The following ATRNL1 variants were observed in gnomAD, a reference collection of about 807,000 sequenced individuals.
The protein encoded by ATRNL1 is attractin like 1, also known as attractin-like protein 1.
A neutral mutation model predicts 182.7 loss-of-function variants in ATRNL1; 95 were observed. That is an observed-to-expected ratio of 0.52 (90% confidence interval 0.44 to 0.62). The LOEUF (loss-of-function observed/expected upper bound fraction) is 0.62. Ranked by LOEUF, ATRNL1 falls within the 20% of genes least tolerant of loss-of-function variation. The pLI is 0.00. For synonymous variants in ATRNL1, 576 were observed against 568.3 expected (o/e 1.01, Z -0.19); for missense variants, 1,471 against 1,679.5 (o/e 0.88, Z 2.17).
intron 19 of ATRNL1, among the ~76,000 whole-genome samples, chr10:115,362,953 C>T: frequency 6.6e-6 from 1 of 152,066 alleles, no homozygotes; most frequent in Admixed American, 6.6e-5. Context: ...CAAGTCTTTG[C>T]TATTGTGAAT....
intron 25 of ATRNL1, among the ~76,000 whole-genome samples, chr10:115,542,881 T>C (rs1184153683): frequency 1.3e-5 from 2 of 152,190 alleles, no homozygotes; most frequent in Non-Finnish European, 2.9e-5. Context: ...CCTCCATGCA[T>C]GCAGGAAGAG....
intron 19 of ATRNL1, among the ~76,000 whole-genome samples, chr10:115,393,290 T>A (rs1844121570): frequency 6.6e-6 from 1 of 152,160 alleles, no homozygotes; most frequent in African/African-American, 2.4e-5. Context: ...TTCACTTAGG[T>A]ATACAGTATC....
intron 27 of ATRNL1, among the ~76,000 whole-genome samples, chr10:115,747,030 G>A (rs1555069345): frequency 6.6e-6 from 1 of 152,048 alleles, no homozygotes; most frequent in East Asian, 1.9e-4. Context: ...TTAAGATAAC[G>A]CTGTTAAAGT....
At chr10:115,860,901 C>T (rs188606503) in intron 28 of ATRNL1, among the ~76,000 whole-genome samples, 2 of 152,290 alleles carry the variant, frequency 1.3e-5, no homozygotes, top group Non-Finnish European at 2.9e-5. Flanking sequence ...GAAATCACCA[C>T]CCAGCCTTCA....
chr10:115,517,087 T>G (rs1850677421), intron 24 of ATRNL1, among the ~76,000 whole-genome samples: 1 of 152,024 alleles, frequency 6.6e-6, no homozygotes, highest in South Asian at 2.1e-4. Flanking sequence ...TTACATGATT[T>G]AAATGATTTA....
At chr10:115,640,750 T>C (rs1216787144) in intron 26 of ATRNL1, among the ~76,000 whole-genome samples, 1 of 152,220 alleles carries the variant, frequency 6.6e-6, no homozygotes, top group Non-Finnish European at 1.5e-5. Context: ...TAATTTCTTT[T>C]GCTGTGCAGA....
At chr10:115,108,241 T>G (rs1554866673) in intron 1 of ATRNL1, among the ~76,000 whole-genome samples, 2 of 152,176 alleles carry the variant, frequency 1.3e-5, no homozygotes, top group African/African-American at 4.8e-5. Context: ...TTTCAATATT[T>G]TGCTTAGAAA....
chr10:115,738,125 G>GTTTTTTTTTTTTTTT (rs1565334914), intron 27 of ATRNL1, among the ~76,000 whole-genome samples: 12 of 53,190 alleles, frequency 2.3e-4, no homozygotes, highest in African/African-American at 6.3e-4. Context: ...AGAAGATAAT[G>GTTTTTTTTTTTTTTT]ATTTTTTTTT....
At chr10:115,619,312 A>G (rs1857598525) in intron 26 of ATRNL1, among the ~76,000 whole-genome samples, 2 of 152,206 alleles carry the variant, frequency 1.3e-5, no homozygotes. Flanking sequence ...TAGAGGGCAC[A>G]TGTGAACACT....
intron 9 of ATRNL1, among the ~76,000 whole-genome samples, chr10:115,224,800 T>A (rs1229795301): frequency 2.6e-5 from 4 of 152,136 alleles, no homozygotes; most frequent in Non-Finnish European, 5.9e-5. Context: ...ATTGAAATAA[T>A]CTTATGTCAA....
Position 115,127,853 on chromosome 10 carries a change from G to A in ATRNL1, c.620+132G>A, listed in dbSNP as rs559053060. The A allele has an allele frequency of 5.4e-6, 3 of 560,068 alleles. No individual in the cohort carries two copies. In the African/African-American group the frequency reaches 6.0e-5, roughly 11 times the overall value. 34.7% of individuals were successfully genotyped at this position (560,068 alleles called of 1,614,324 possible). Reference sequence around the variant, plus strand: ...ACCGTGTTAAATTTCAAATTAGTAGGCAGGATCCCTTCTTAAGTGACATAA... The same window carrying A: ...ACCGTGTTAAATTTCAAATTAGTAGACAGGATCCCTTCTTAAGTGACATAA... On this transcript the variant is annotated intron_variant, in intron 4 of 28. Transcript: ENST00000355044.
chr10:115,184,923 G>C (rs1158023068), intron 8 of ATRNL1, among the ~76,000 whole-genome samples: 3 of 151,822 alleles, frequency 2.0e-5, no homozygotes, highest in Non-Finnish European at 4.4e-5. Flanking sequence ...AAATCTTTGA[G>C]GTTTGTTTTT....
intron 24 of ATRNL1, among the ~76,000 whole-genome samples, chr10:115,508,090 C>T (rs762356239): frequency 8.0e-4 from 121 of 152,020 alleles, no homozygotes; most frequent in Non-Finnish European, 1.4e-3. Context: ...TGTGTCTCTG[C>T]ACCACATTTT....
At chr10:115,812,288 G>T (rs1950063906) in intron 27 of ATRNL1, among the ~76,000 whole-genome samples, 1 of 152,042 alleles carries the variant, frequency 6.6e-6, no homozygotes, top group Admixed American at 6.6e-5. Flanking sequence ...TTATCAGTAT[G>T]GTTGGGATAA....
chr10:115,637,459 TTATAG>T (rs1478570095), intron 26 of ATRNL1, among the ~76,000 whole-genome samples: 1 of 151,920 alleles, frequency 6.6e-6, no homozygotes, highest in Admixed American at 6.6e-5. Flanking sequence ...AAATCAAAGC[TTATAG>T]AGTAAAGACC....
chr10:115,799,992 G>A (rs183251265), intron 27 of ATRNL1, among the ~76,000 whole-genome samples: 51 of 152,114 alleles, frequency 3.4e-4, no homozygotes, highest in African/African-American at 1.2e-3. Context: ...AGGCCGAGGC[G>A]GGTGGATCAC....
At chr10:115,409,508 C>T (rs1845028135) in intron 20 of ATRNL1, among the ~76,000 whole-genome samples, 1 of 152,142 alleles carries the variant, frequency 6.6e-6, no homozygotes, top group Admixed American at 6.5e-5. Flanking sequence ...ATCATGTGAT[C>T]TGCAAACAGG....
intron 5 of ATRNL1, among the ~76,000 whole-genome samples, chr10:115,156,797 A>G (rs148341836): frequency 1.6e-3 from 251 of 152,276 alleles, no homozygotes; most frequent in African/African-American, 5.6e-3. Flanking sequence ...GATATATTGC[A>G]TGAGATACTA....
chr10:115,764,733 T>C (rs539710881), intron 27 of ATRNL1, among the ~76,000 whole-genome samples: 1 of 152,176 alleles, frequency 6.6e-6, no homozygotes, highest in South Asian at 2.1e-4. Flanking sequence ...AGTGCAATGG[T>C]GCAATCTTGG....
Sources: allele counts gnomAD v4.1 joint callset (sites outside exome capture counted in the v4.1 genomes callset), GRCh38; gene constraint gnomAD v4.1.1; transcripts MANE v1.5; gene names NCBI Gene and HGNC (gene_info 2026-07-23, HGNC 2026-07-21).